ZC3H12B: variants seen among roughly 807,000 people sequenced by gnomAD.
ZC3H12B encodes the protein probable ribonuclease ZC3H12B.
In ZC3H12B, 7 loss-of-function variants were observed where a neutral mutation model predicts 43.9. The observed-to-expected ratio is 0.16, with a 90% confidence interval of 0.09 to 0.30. The LOEUF is 0.30. ZC3H12B is among the 10% of genes least tolerant of loss of function. The pLI, the probability that ZC3H12B is intolerant of heterozygous loss-of-function variation, is 1.00. For synonymous variants in ZC3H12B, 222 were observed against 241.7 expected (o/e 0.92, Z 0.76); for missense variants, 475 against 670.2 (o/e 0.71, Z 3.22).
the ZC3H12B span, chrX:65,270,842 A>C: frequency 1.8e-5 from 2 of 111,599 alleles, no homozygotes; most frequent in Non-Finnish European, 3.8e-5. Flanking sequence ...ATCCTTTCCA[A>C]GCCCATGAAG....
At chrX:65,094,613 G>A in the ZC3H12B span, among the ~76,000 whole-genome samples, 1 of 112,042 alleles carries the variant, frequency 8.9e-6, no homozygotes, top group African/African-American at 3.2e-5. Flanking sequence ...CTGTATCTGA[G>A]CACAAATTAT....
rs985762986 is a variant in ZC3H12B at position 65,426,038 on chromosome X, C to G, written n.407+27334C>G. Among the ~76,000 whole-genome samples, 3 of 109,399 alleles carry G rather than the reference C, an allele frequency of 2.7e-5. No individual in the cohort carries two copies. In the East Asian group the frequency reaches 8.5e-4, roughly 31 times the overall value. 95.0% of individuals were successfully genotyped at this position (109,399 alleles called of 115,157 possible). A position where few individuals can be genotyped will look rare whatever the true frequency, so the allele number is the denominator to read the frequency against. ...GAAATAGTTTCAGTACAAATGGTAC[C>G]AGCTCTTCTTTGTACCTCTGGTAGA... On this transcript the variant is annotated intron_variant and non_coding_transcript_variant, in intron 3 of 5. Coordinates refer to the ZC3H12B transcript ENST00000617377.
At chrX:65,111,176 G>A in the ZC3H12B span, among the ~76,000 whole-genome samples, 1 of 110,923 alleles carries the variant, frequency 9.0e-6, no homozygotes, top group Admixed American at 9.6e-5. Context: ...TCTGCTAATA[G>A]GGATACTATT....
the ZC3H12B span, among the ~76,000 whole-genome samples, chrX:65,338,615 G>A: frequency 8.9e-6 from 1 of 112,107 alleles, no homozygotes; most frequent in Admixed American, 9.4e-5. Context: ...AAGTGCTCAA[G>A]AAAATACTAG....
the ZC3H12B span, among the ~76,000 whole-genome samples, chrX:65,330,307 G>A: frequency 2.7e-5 from 3 of 111,670 alleles, no homozygotes; most frequent in Non-Finnish European, 5.6e-5. Context: ...ACTTTGGGCT[G>A]AGACAGTGGG....
chrX:65,056,635 C>T, the ZC3H12B span, among the ~76,000 whole-genome samples: 3 of 110,930 alleles, frequency 2.7e-5, no homozygotes, highest in Admixed American at 1.9e-4. Flanking sequence ...GTTCATTTCC[C>T]GGATATCGTT....
At chrX:65,294,293 A>G in the ZC3H12B span, among the ~76,000 whole-genome samples, 1 of 111,850 alleles carries the variant, frequency 8.9e-6, no homozygotes, top group Non-Finnish European at 1.9e-5. Flanking sequence ...TCCCTTTCAG[A>G]AAACAAATGC....
intron 2 of ZC3H12B, among the ~76,000 whole-genome samples, chrX:65,371,409 C>T (rs1374242632): frequency 5.4e-5 from 6 of 111,485 alleles, no homozygotes; most frequent in Admixed American, 1.9e-4. Context: ...AGAAATCCAA[C>T]TGTGGTCTAT....
At chrX:65,225,415 A>C in the ZC3H12B span, among the ~76,000 whole-genome samples, 1 of 112,151 alleles carries the variant, frequency 8.9e-6, no homozygotes, top group Non-Finnish European at 1.9e-5. Flanking sequence ...TAAAACCACA[A>C]AGACGGGGAA....
At chrX:65,163,539 T>C in the ZC3H12B span, among the ~76,000 whole-genome samples, 6 of 111,472 alleles carry the variant, frequency 5.4e-5, no homozygotes, top group Admixed American at 5.7e-4. Flanking sequence ...GTGCTTGCAA[T>C]CAGTGAGACT....
chrX:65,325,562 T>C, the ZC3H12B span, among the ~76,000 whole-genome samples: 1 of 110,908 alleles, frequency 9.0e-6, no homozygotes, highest in Non-Finnish European at 1.9e-5. Flanking sequence ...AAATGATCTA[T>C]ATAATGAAAA....
the ZC3H12B span, among the ~76,000 whole-genome samples, chrX:65,346,280 C>T: frequency 1.9e-5 from 2 of 106,257 alleles, no homozygotes; most frequent in African/African-American, 3.4e-5. Context: ...AAAAAATACA[C>T]ATAGAATAAT....
At chrX:65,302,581 A>G in the ZC3H12B span, among the ~76,000 whole-genome samples, 1 of 112,185 alleles carries the variant, frequency 8.9e-6, no homozygotes, top group African/African-American at 3.2e-5. Context: ...ATGTCACTTC[A>G]TTGCAAATTA....
the ZC3H12B span, among the ~76,000 whole-genome samples, chrX:65,201,691 C>T: frequency 3.9e-5 from 4 of 102,273 alleles, no homozygotes; most frequent in African/African-American, 1.4e-4. Context: ...CAGGATTGGT[C>T]CCTGGTGCCT....
the ZC3H12B span, among the ~76,000 whole-genome samples, chrX:65,088,904 T>C: frequency 1.8e-4 from 20 of 111,710 alleles, no homozygotes; most frequent in African/African-American, 6.5e-4. Flanking sequence ...AATTTGTGCC[T>C]TGGTTCTTCT....
chrX:65,504,406 ACT>A (rs1201110200), exon 5 of ZC3H12B: 1 of 111,438 alleles, frequency 9.0e-6, no homozygotes, highest in Non-Finnish European at 1.9e-5. Flanking sequence ...GAGCAAAGCA[ACT>A]CTGTTTCCTT....
chrX:65,287,441 A>G, the ZC3H12B span, among the ~76,000 whole-genome samples: 1 of 111,247 alleles, frequency 9.0e-6, no homozygotes, highest in Non-Finnish European at 1.9e-5. Context: ...CTATTGAGAA[A>G]GAAATGAAGA....
At chrX:65,245,861 A>G in the ZC3H12B span, among the ~76,000 whole-genome samples, 1 of 110,896 alleles carries the variant, frequency 9.0e-6, no homozygotes, top group Non-Finnish European at 1.9e-5. Flanking sequence ...CAGGCAAGAG[A>G]CATGTATACA....
chrX:65,313,410 T>C, the ZC3H12B span, among the ~76,000 whole-genome samples: 13 of 112,307 alleles, frequency 1.2e-4, no homozygotes, highest in South Asian at 4.8e-3. Context: ...GAAGAGTTGA[T>C]CTCTTAATTT....
Sources: allele counts gnomAD v4.1 joint callset (sites outside exome capture counted in the v4.1 genomes callset), GRCh38; gene constraint gnomAD v4.1.1; transcripts MANE v1.5; gene names NCBI Gene and HGNC (gene_info 2026-07-23, HGNC 2026-07-21).